The following RYR2 variants were observed in gnomAD, a reference collection of about 807,000 sequenced individuals.
RYR2 encodes cardiac muscle ryanodine receptor-calcium release channel.
RYR2 carries 227 observed loss-of-function variants against 601.1 expected under a neutral mutation model. The observed-to-expected ratio is 0.38, with a 90% CI of 0.34 to 0.42. The LOEUF (loss-of-function observed/expected upper bound fraction) is 0.42, where lower values mean the gene tolerates loss of function less well. RYR2 is among the 10% of genes least tolerant of loss of function. RYR2 has a pLI of 1.00. For missense variants in RYR2, 4,646 were observed against 6,156.5 expected, an observed-to-expected ratio of 0.75 and a Z score of 8.21; for synonymous variants, 2,223 against 2,175.1, an observed-to-expected ratio of 1.02 and a Z score of -0.61.
At chr1:237,659,881 C>A (rs934359451) in intron 54 of RYR2, 104 bp from the exon 55 acceptor site, 5 of 627,428 alleles carry the variant, frequency 8.0e-6, no homozygotes, top group Middle Eastern at 5.1e-4. Context: ...TACCTTAGTT[C>A]ATTTTAGGTT....
intron 10 of RYR2, among the ~76,000 whole-genome samples, chr1:237,391,647 CTG>C (rs957351562): frequency 2.0e-5 from 3 of 152,136 alleles, no homozygotes; most frequent in African/African-American, 7.2e-5. Context: ...ATATACATAA[CTG>C]TAATTGTAGC....
At chr1:237,809,066 CA>C in intron 100 of RYR2, 31 bp downstream of exon 100, 1 of 1,591,560 alleles carries the variant, frequency 6.3e-7, no homozygotes, top group Non-Finnish European at 8.6e-7. Context: ...CTCACATAAA[CA>C]AAAATGTCTC....
At chr1:237,377,205 A>G in intron 7 of RYR2, 118 bp from the exon 8 acceptor site, 1 of 647,022 alleles carries the variant, frequency 1.5e-6, no homozygotes, top group Non-Finnish European at 2.6e-6. Context: ...ATGGTGTAAG[A>G]GATTAATTTG....
At chr1:237,270,046 C>T (rs1366387545) in intron 1 of RYR2, among the ~76,000 whole-genome samples, 1 of 152,156 alleles carries the variant, frequency 6.6e-6, no homozygotes, top group Non-Finnish European at 1.5e-5. Flanking sequence ...TGTTATTGAC[C>T]TGTTTTCCTG....
At chr1:237,355,428 C>T (rs1699212614) in intron 3 of RYR2, among the ~76,000 whole-genome samples, 1 of 152,084 alleles carries the variant, frequency 6.6e-6, no homozygotes, top group South Asian at 2.1e-4. Flanking sequence ...ATAAATACAA[C>T]TTTAAAAAAT....
intron 17 of RYR2, among the ~76,000 whole-genome samples, chr1:237,474,491 T>G (rs1295427026): frequency 6.6e-6 from 1 of 151,978 alleles, no homozygotes; most frequent in Non-Finnish European, 1.5e-5. Flanking sequence ...AGAAACATAT[T>G]TAAGGCTTGT....
chr1:237,103,816 G>A (rs1228218073), intron 1 of RYR2, among the ~76,000 whole-genome samples: 2 of 152,162 alleles, frequency 1.3e-5, no homozygotes, highest in East Asian at 1.9e-4. Context: ...TGGTCCACCC[G>A]CCTCGGCCTC....
At chr1:237,459,507 A>G (rs930671284) in intron 16 of RYR2, among the ~76,000 whole-genome samples, 1 of 152,192 alleles carries the variant, frequency 6.6e-6, no homozygotes. Context: ...GAAAATATGC[A>G]TCTTTTATTT....
At chr1:237,352,905 C>T (rs1698980804) in intron 3 of RYR2, 1 of 506,688 alleles carries the variant, frequency 2.0e-6, no homozygotes. Context: ...CCCTCCCTAC[C>T]ATCTTACATA....
At chr1:237,585,247 T>A (rs1201710815) in intron 29 of RYR2, among the ~76,000 whole-genome samples, 1 of 152,200 alleles carries the variant, frequency 6.6e-6, no homozygotes, top group Non-Finnish European at 1.5e-5. Flanking sequence ...AGACTTGGAT[T>A]TATTTTCTGG....
intron 1 of RYR2, among the ~76,000 whole-genome samples, chr1:237,183,304 A>C (rs1253455023): frequency 6.6e-6 from 1 of 152,244 alleles, no homozygotes; most frequent in African/African-American, 2.4e-5. Context: ...AGAATCTGTA[A>C]AAAGTGACTA....
At chr1:237,783,536 AATT>A in intron 89 of RYR2, 136 bp from the exon 90 acceptor site, 1 of 600,944 alleles carries the variant, frequency 1.7e-6, no homozygotes, top group Non-Finnish European at 2.9e-6. Flanking sequence ...GTTTATAAAT[AATT>A]ATCTTTTTAT....
intron 19 of RYR2, among the ~76,000 whole-genome samples, chr1:237,493,962 C>G (rs979417458): frequency 6.6e-6 from 1 of 152,120 alleles, no homozygotes; most frequent in East Asian, 1.9e-4. Context: ...TCCTAGGAAC[C>G]ATGATGATTC....
chr1:237,741,453 G>A (rs1372410723), intron 79 of RYR2, among the ~76,000 whole-genome samples: 1 of 152,092 alleles, frequency 6.6e-6, no homozygotes, highest in Admixed American at 6.5e-5. Flanking sequence ...TGTAAGGGTT[G>A]GAACAATCTA....
At chr1:237,700,925 C>A (rs764179741) in intron 65 of RYR2, among the ~76,000 whole-genome samples, 5 of 152,202 alleles carry the variant, frequency 3.3e-5, no homozygotes, top group Non-Finnish European at 5.9e-5. Context: ...TAGAGTGGCT[C>A]AAATATCCTC....
At chr1:237,292,791 T>A (rs184818002) in intron 2 of RYR2, among the ~76,000 whole-genome samples, 63 of 152,250 alleles carry the variant, frequency 4.1e-4, no homozygotes, top group Non-Finnish European at 7.1e-4. Context: ...GTAGTTAAGC[T>A]GATGAATAGG....
At chr1:237,544,534 T>A (rs1669605524) in intron 25 of RYR2, among the ~76,000 whole-genome samples, 1 of 152,208 alleles carries the variant, frequency 6.6e-6, no homozygotes, top group Admixed American at 6.5e-5. Context: ...TTTTTGGAAA[T>A]CAATCTGAAA....
At chr1:237,405,452 A>G (rs1031601983) in intron 10 of RYR2, among the ~76,000 whole-genome samples, 1 of 152,218 alleles carries the variant, frequency 6.6e-6, no homozygotes, top group Non-Finnish European at 1.5e-5. Flanking sequence ...AATTACTGTC[A>G]AGTCTAATCC....
At chr1:237,612,302 G>A (rs1366153840) in intron 36 of RYR2, among the ~76,000 whole-genome samples, 2 of 152,066 alleles carry the variant, frequency 1.3e-5, no homozygotes, top group Non-Finnish European at 2.9e-5. Flanking sequence ...CTGCTAATGG[G>A]TACTAAATTC....
Sources: gnomAD v4.1 joint callset for allele counts (sites outside exome capture counted in the v4.1 genomes callset) on GRCh38, gnomAD v4.1.1 for gene constraint, MANE v1.5 for transcripts, NCBI Gene and HGNC (gene_info 2026-07-23, HGNC 2026-07-21) for gene names.